Variants in DISP3 observed in about 807,000 individuals in gnomAD.
DISP3 encodes dispatched RND transporter family member 3, also known as protein dispatched homolog 3.
DISP3 carries 101 observed loss-of-function variants against 135.3 expected under a neutral mutation model. The observed-to-expected ratio is 0.75, with a 90% confidence interval of 0.64 to 0.88. The LOEUF (loss-of-function observed/expected upper bound fraction) is 0.88. Among genes scored for constraint, DISP3 ranks in the 40% least tolerant of loss-of-function variants. The probability of loss-of-function intolerance (pLI) is 0.00; values close to 1 mark genes in which losing one functional copy is unlikely to be tolerated. For synonymous variants in DISP3, 856 were observed against 817.0 expected (o/e 1.05, Z -0.81); for missense variants, 1,713 against 1,878.6 (o/e 0.91, Z 1.63).
chr1:11,522,346 T>C (rs917397539), intron 10 of DISP3, among the ~76,000 whole-genome samples: 141 of 152,150 alleles, frequency 9.3e-4, no homozygotes, highest in Middle Eastern at 3.4e-3. Context: ...TGCGTGATAA[T>C]CCACTGCAGC....
chr1:11,500,907 T>C, intron 1 of DISP3, 83 bp from the exon 2 acceptor site: 1 of 1,474,388 alleles, frequency 6.8e-7, no homozygotes, highest in Non-Finnish European at 9.3e-7. Flanking sequence ...ACAGGGTTGG[T>C]ACCTAGGGCT....
At chr1:11,515,340 C>T (rs778244820) in intron 4 of DISP3, 29 bp from the exon 5 acceptor site, 19 of 1,613,546 alleles carry the variant, frequency 1.2e-5, no homozygotes, top group South Asian at 3.3e-5. Context: ...GTCCCCCCAC[C>T]GTCTCCCTGT....
Position 11,522,748 on chromosome 1 carries a change from GGACCC to G in DISP3, c.2363-1193_2363-1189del, listed in dbSNP as rs775916602. On this transcript the variant is annotated intron_variant, in intron 10 of 20. Coordinates refer to ENST00000294484, the MANE Select transcript of DISP3 (RefSeq NM_020780.2). ...CCAGGGCCCAGCCAGGGCCCAGCCA[GGACCC>G]AGCCAGGACCCAGCCAGGACCCAGC... 1.5e-3 allele frequency among the ~76,000 whole-genome samples: 204 copies of G among 134,112 alleles called. 1 individual carries two copies. Among genetic ancestry groups the G allele is most frequent in the Non-Finnish European group, 2.3e-3 (142 of 62,224 alleles). The allele number at this position is 134,112 out of a possible 152,430, so 88.0% of individuals were successfully genotyped here.
At chr1:11,515,920 C>T (rs1641999144) in intron 5 of DISP3, 81 bp from the exon 6 acceptor site, 1 of 1,521,516 alleles carries the variant, frequency 6.6e-7, no homozygotes, top group African/African-American at 1.4e-5. Context: ...AGGCCACTCA[C>T]ACTTGGTCTA....
At chr1:11,490,254 G>A (rs541934575) in intron 1 of DISP3, among the ~76,000 whole-genome samples, 1 of 151,018 alleles carries the variant, frequency 6.6e-6, no homozygotes. Context: ...TGTTGCTGGG[G>A]TTTTTTGTTT....
chr1:11,535,706 A>G, intron 20 of DISP3, 62 bp downstream of exon 20: 1 of 1,554,446 alleles, frequency 6.4e-7, no homozygotes, highest in Non-Finnish European at 8.7e-7. Flanking sequence ...ACCTGGGTGC[A>G]GCTGAGGGAC....
In DISP3 at chr1:11,511,080, G is replaced by T. The variant is rs528032188; in HGVS notation, c.1317-3310G>T. ...CCATGATTCAATTACCTCCTCTTGG[G>T]TCCCTCCCACAACACATGGGAATTC... On this transcript the variant is annotated intron_variant, in intron 3 of 20. Transcript: ENST00000294484. Among the ~76,000 whole-genome samples, 11 of 152,266 alleles carry T rather than the reference G, an allele frequency of 7.2e-5. 1 individual carries two copies. In the South Asian group the frequency reaches 2.3e-3, roughly 32 times the overall value.
intron 13 of DISP3, among the ~76,000 whole-genome samples, chr1:11,528,795 C>T (rs528289872): frequency 6.6e-6 from 1 of 152,188 alleles, no homozygotes; most frequent in Non-Finnish European, 1.5e-5. Context: ...CTCAGTGACA[C>T]ATGGAGACTG....
intron 1 of DISP3, among the ~76,000 whole-genome samples, chr1:11,480,501 G>A (rs193113322): frequency 3.3e-5 from 5 of 152,128 alleles, no homozygotes; most frequent in African/African-American, 4.8e-5. Context: ...ACACACGTTC[G>A]TGGACCTGGG....
chr1:11,514,438 G>C lies in DISP3; in HGVS notation c.1365G>C (p.Val455=), dbSNP rs1641943413. Residue 455 remains valine, a synonymous_variant, in exon 4 of 21, where the codon GTG becomes GTC. Coordinates refer to ENST00000294484, the MANE Select transcript of DISP3 (RefSeq NM_020780.2). The stretch of plus-strand genomic sequence containing the variant: ...GGACAGACCTGTTTGACTATGAAGT[G>C]CGCAGGACGTTCAACAATGACATGC... The part of the protein sequence containing the change: ...YGGTDLFDYE[V]RRTFNNDMLL... 6 of 1,613,644 alleles carry C rather than the reference G, an allele frequency of 3.7e-6. No individual in the cohort carries two copies. The highest frequency in any genetic ancestry group is 5.1e-6 in the Non-Finnish European group (6 of 1,179,478).
At position 11,499,477 on chromosome 1, in the gene DISP3, C is replaced by T. The variant is rs1641438470; in HGVS notation, c.-3-1513C>T. Reference sequence around the variant, plus strand: ...TACAAATCGGGACTCAGAGCAGTTACCATCCCCTCGGCAAGCTGGCAGGCT... The same window carrying T: ...TACAAATCGGGACTCAGAGCAGTTATCATCCCCTCGGCAAGCTGGCAGGCT... On this transcript the variant is annotated intron_variant, in intron 1 of 20. Transcript: ENST00000294484. This position sits in a 1 kb window ranked among gnomAD's most constrained non-coding sequence, Gnocchi z 5.2. 6.6e-6 allele frequency among the ~76,000 whole-genome samples: 1 copy of T among 152,136 alleles called. No homozygotes were observed. The highest frequency in any genetic ancestry group is 6.6e-5 in the Admixed American group (1 of 15,262).
In DISP3 at chr1:11,517,505, G is replaced by C. The variant is rs780133983; in HGVS notation, c.1792G>C (p.Val598Leu). ...HDFGLFMSLI[V>L]SCCWLAVLVT... is the part of the protein sequence containing the mutation. ...CTTTGGCCTGTTCATGTCTCTCATCGTGTCCTGTTGCTGGCTGGCCGTGCT... is the reference window on the plus strand; with the variant it reads ...CTTTGGCCTGTTCATGTCTCTCATCCTGTCCTGTTGCTGGCTGGCCGTGCT... Residue 598 changes from valine to leucine, a missense_variant, in exon 7 of 21, where the codon GTG becomes CTG. Transcript: ENST00000294484. The C allele has an allele frequency of 6.2e-7, 1 of 1,613,986 alleles. No individual in the cohort carries two copies. The highest frequency in any genetic ancestry group is 1.3e-5 in the African/African-American group (1 of 74,908).
At chr1:11,502,161 GCCAGGCCCAGGC>G (rs574431695) in intron 2 of DISP3, 73 bp downstream of exon 2, 267 of 1,495,316 alleles carry the variant, frequency 1.8e-4, no homozygotes, top group South Asian at 1.0e-3. Context: ...TTTGGCCCAG[GCCAGGCCCAGGC>G]CCAGGCCCAG....
rs1200885834 is a variant in DISP3, at chr1:11,530,999, G to A, written c.3195G>A (p.Leu1065=). The change falls in exon 16 of 21, where the codon CTG becomes CTA. Residue 1065 remains leucine, a synonymous_variant. Coordinates refer to ENST00000294484, the MANE Select transcript of DISP3 (RefSeq NM_020780.2). Reference sequence around the variant, plus strand: ...AGGCCATCGCAGCCAACTCCGAGCTGGTGAAGCCGGGTGGGGCCCAGTGCC... The same window carrying A: ...AGGCCATCGCAGCCAACTCCGAGCTAGTGAAGCCGGGTGGGGCCCAGTGCC... The part of the protein sequence containing the change: ...LCKAIAANSE[L]VKPGGAQCLP... The A allele has an allele frequency of 6.2e-7, 1 of 1,613,956 alleles. No homozygotes were observed. The highest frequency in any genetic ancestry group is 8.5e-7 in the Non-Finnish European group (1 of 1,179,992).
chr1:11,519,997 C>G lies in DISP3; in HGVS notation c.2200+117C>G, dbSNP rs908975961. 1.7e-5 allele frequency: 17 copies of G among 989,014 alleles called. No homozygotes were observed. The South Asian group carries it at 2.8e-4, about 16-fold the overall frequency. The allele number at this position is 989,014 out of a possible 1,614,324, so 61.3% of individuals were successfully genotyped here. A position where few individuals can be genotyped will look rare whatever the true frequency, so the allele number is the denominator to read the frequency against. On this transcript the variant is annotated intron_variant, in intron 9 of 20. Transcript: ENST00000294484. This position sits in a 1 kb window ranked among gnomAD's most constrained non-coding sequence, Gnocchi z 4.3. ...CAGGGTCAGAGGCCTGGGCTGGGGT[C>G]TCTCCCTCTCTGACCCCCCCTCTTT...
Position 11,531,111 on chromosome 1 carries a change from T to G in DISP3, c.3229+78T>G, listed in dbSNP as rs1642565829. 1 of 1,585,848 alleles carries G rather than the reference T, an allele frequency of 6.3e-7. No homozygotes were observed. Among genetic ancestry groups the G allele is most frequent in the South Asian group, 1.1e-5 (1 of 88,754 alleles). ...GAGGCACAGAGGCCGTGGTCCAAGGTAGACAGCCCGAAGGACAGTGTCTGG... is the reference window on the plus strand; with the variant it reads ...GAGGCACAGAGGCCGTGGTCCAAGGGAGACAGCCCGAAGGACAGTGTCTGG... On this transcript the variant is annotated intron_variant, in intron 16 of 20. Coordinates refer to ENST00000294484, the MANE Select transcript of DISP3 (RefSeq NM_020780.2). This position sits in a 1 kb window ranked among gnomAD's most constrained non-coding sequence, Gnocchi z 5.2.
intron 2 of DISP3, 134 bp from the exon 3 acceptor site, chr1:11,502,544 G>T: frequency 2.8e-6 from 2 of 703,704 alleles, no homozygotes; most frequent in African/African-American, 1.8e-5. Flanking sequence ...TGTGGGGCCT[G>T]GGGTGGAGTT....
Position 11,520,825 on chromosome 1 carries a change from G to A in DISP3, c.2339G>A (p.Gly780Asp). 2 of 1,608,316 alleles carry A rather than the reference G, an allele frequency of 1.2e-6. No individual in the cohort carries two copies. Among genetic ancestry groups the A allele is most frequent in the Non-Finnish European group, 1.7e-6 (2 of 1,177,568 alleles). Residue 780 changes from glycine to aspartate, a missense_variant, in exon 10 of 21, where the codon GGC becomes GAC. By Grantham distance (94) the Gly-to-Asp change is moderately conservative (BLOSUM62 -1). Transcript: ENST00000294484. This position sits in a 1 kb window ranked among gnomAD's most constrained non-coding sequence, Gnocchi z 4.8. ...CTCAAGTACAACCTGAGCGCCGAGG[G>A]CATCTCCTGCATCACCTGTTCAGGT... is the stretch of plus-strand genomic sequence containing the variant. ...LDLKYNLSAE[G>D]ISCITCSGLF...
At chr1:11,504,726 T>G (rs1432997466) in intron 3 of DISP3, among the ~76,000 whole-genome samples, 5 of 152,204 alleles carry the variant, frequency 3.3e-5, no homozygotes, top group African/African-American at 1.2e-4. Flanking sequence ...CCCTTTGACC[T>G]TCCTTCGTGT....
Sources: gnomAD v4.1 joint callset for allele counts (sites outside exome capture counted in the v4.1 genomes callset) on GRCh38, gnomAD v4.1.1 for gene constraint, Gnocchi (gnomAD v3.1) non-coding constraint, MANE v1.5 for transcripts, NCBI Gene and HGNC (gene_info 2026-07-23, HGNC 2026-07-21) for gene names.